The following GRXCR1 variants were observed in gnomAD, a reference collection of about 807,000 sequenced individuals.
The protein encoded by GRXCR1 is glutaredoxin and cysteine rich domain containing 1.
Under a neutral mutation model 27.3 loss-of-function variants are expected in GRXCR1, and 27 were observed. The ratio of observed to expected loss-of-function variants is 0.99; its 90% CI spans 0.73 to 1.37. The LOEUF (loss-of-function observed/expected upper bound fraction) is 1.37, where lower values mean the gene tolerates loss of function less well. GRXCR1 is among the 40% of genes most tolerant of loss of function. The probability of loss-of-function intolerance (pLI) is 0.00; values close to 1 mark genes in which losing one functional copy is unlikely to be tolerated. For missense variants in GRXCR1, 379 were observed against 354.4 expected (o/e 1.07, Z -0.56); for synonymous variants, 122 against 131.1 (o/e 0.93, Z 0.47).
At chr4:42,973,595 C>T (rs1248820654) in intron 2 of GRXCR1, among the ~76,000 whole-genome samples, 1 of 152,034 alleles carries the variant, frequency 6.6e-6, no homozygotes, top group African/African-American at 2.4e-5. Flanking sequence ...TTTTCTTTGA[C>T]TCCACCTACT....
At chr4:42,908,395 CT>C (rs1165605381) in intron 1 of GRXCR1, among the ~76,000 whole-genome samples, 5 of 152,262 alleles carry the variant, frequency 3.3e-5, no homozygotes, top group Admixed American at 6.5e-5. Flanking sequence ...TGCATCTTGC[CT>C]GGGCTTGATC....
intron 1 of GRXCR1, among the ~76,000 whole-genome samples, chr4:42,904,264 T>C (rs972314195): frequency 7.9e-5 from 12 of 152,198 alleles, no homozygotes; most frequent in African/African-American, 2.9e-4. Context: ...TGCCCAACTT[T>C]CGCTCCTTCC....
chr4:42,906,952 C>A (rs1746609811), intron 1 of GRXCR1, among the ~76,000 whole-genome samples: 1 of 152,152 alleles, frequency 6.6e-6, no homozygotes, highest in Non-Finnish European at 1.5e-5. Flanking sequence ...TATTTCCACA[C>A]TCGAGAGATC....
chr4:43,019,855 C>T (rs75699683), intron 2 of GRXCR1, among the ~76,000 whole-genome samples: 2,174 of 152,194 alleles, frequency 0.014, 50 homozygotes, highest in African/African-American at 0.049. Context: ...TTATGCCAAA[C>T]TCAAAATATC....
At chr4:43,021,011 A>ACACT (rs1447031091) in intron 3 of GRXCR1, among the ~76,000 whole-genome samples, 1 of 152,194 alleles carries the variant, frequency 6.6e-6, no homozygotes, top group Non-Finnish European at 1.5e-5. Flanking sequence ...CCTGAATGGG[A>ACACT]CACTTTGAGA....
intron 1 of GRXCR1, among the ~76,000 whole-genome samples, chr4:42,950,895 ATATGTCTATATT>A (rs1241199942): frequency 1.3e-5 from 2 of 152,086 alleles, no homozygotes; most frequent in African/African-American, 4.8e-5. Flanking sequence ...CATTATGTCT[ATATGTCTATATT>A]TATGTCTATA....
At chr4:43,012,178 A>T (rs962232962) in intron 2 of GRXCR1, among the ~76,000 whole-genome samples, 2 of 152,190 alleles carry the variant, frequency 1.3e-5, no homozygotes, top group Admixed American at 6.5e-5. Context: ...CTGACTCTTT[A>T]GAGAGCCTAG....
chr4:42,902,713 G>A (rs1305723662), intron 1 of GRXCR1, among the ~76,000 whole-genome samples: 1 of 152,154 alleles, frequency 6.6e-6, no homozygotes, highest in East Asian at 1.9e-4. Flanking sequence ...AGAGCTTCAG[G>A]AAGAATAGCT....
At chr4:42,982,386 C>T (rs529795186) in intron 2 of GRXCR1, among the ~76,000 whole-genome samples, 135 of 131,600 alleles carry the variant, frequency 1.0e-3, no homozygotes, top group African/African-American at 3.8e-3. Flanking sequence ...GACATGAACT[C>T]ATCATTTTTT....
chr4:42,989,365 C>T (rs965440840), intron 2 of GRXCR1, among the ~76,000 whole-genome samples: 5 of 152,032 alleles, frequency 3.3e-5, no homozygotes. Flanking sequence ...TGGATTAGGT[C>T]CTTACTCTTC....
intron 1 of GRXCR1, among the ~76,000 whole-genome samples, chr4:42,932,461 T>A (rs1291407602): frequency 7.5e-5 from 3 of 40,096 alleles, no homozygotes; most frequent in African/African-American, 2.6e-4. Context: ...GTTTGCCATC[T>A]CTTTATCATG....
chr4:42,963,582 G>T (rs1260833023), intron 2 of GRXCR1, among the ~76,000 whole-genome samples: 1 of 151,870 alleles, frequency 6.6e-6, no homozygotes, highest in Non-Finnish European at 1.5e-5. Context: ...GGGGCCTGGA[G>T]CCAGAATTTT....
chr4:42,928,776 C>T (rs1460336488), intron 1 of GRXCR1, among the ~76,000 whole-genome samples: 1 of 151,890 alleles, frequency 6.6e-6, no homozygotes, highest in African/African-American at 2.4e-5. Flanking sequence ...TGGCTCAATG[C>T]TATAGGGGTG....
chr4:42,910,302 G>A (rs1232944116), intron 1 of GRXCR1, among the ~76,000 whole-genome samples: 3 of 152,128 alleles, frequency 2.0e-5, no homozygotes, highest in South Asian at 2.1e-4. Flanking sequence ...ATAACACAAC[G>A]TGTATTGATT....
At chr4:42,954,348 T>C (rs1560663182) in intron 1 of GRXCR1, among the ~76,000 whole-genome samples, 2 of 152,164 alleles carry the variant, frequency 1.3e-5, no homozygotes, top group Non-Finnish European at 1.5e-5. Context: ...AGCCTCTTCA[T>C]GGTACATTTT....
Position 42,987,261 on chromosome 4 carries a change from A to AATATATATATATAATAT in GRXCR1, c.627+24140_627+24141insATATATATATATATATA, listed in dbSNP as rs1711795642. ...TATATAATATATAATATATATATAT[A>AATATATATATATAATAT]ATATATATATATATATAGAGAGAGA... On this transcript the variant is annotated intron_variant, in intron 2 of 3. Transcript: ENST00000399770. Among the ~76,000 whole-genome samples, 9 of 97,258 alleles carry AATATATATATATAATAT rather than the reference A, an allele frequency of 9.3e-5. No homozygotes were observed. In the South Asian group the frequency reaches 1.2e-3, roughly 13 times the overall value. 63.8% of individuals were successfully genotyped at this position (97,258 alleles called of 152,430 possible). A position where few individuals can be genotyped will look rare whatever the true frequency, so the allele number is the denominator to read the frequency against.
intron 2 of GRXCR1, among the ~76,000 whole-genome samples, chr4:42,990,113 T>C (rs531938659): frequency 1.3e-5 from 2 of 151,346 alleles, no homozygotes; most frequent in East Asian, 1.9e-4. Context: ...TTTGCTGTTC[T>C]TGCTTTTGTA....
chr4:42,988,141 A>G (rs1577934020), intron 2 of GRXCR1, among the ~76,000 whole-genome samples: 1 of 152,196 alleles, frequency 6.6e-6, no homozygotes, highest in South Asian at 2.1e-4. Context: ...GGGGCTGGGT[A>G]GTGCAGAGTG....
intron 2 of GRXCR1, among the ~76,000 whole-genome samples, chr4:43,002,644 C>G (rs889385430): frequency 1.3e-5 from 2 of 152,184 alleles, no homozygotes. Context: ...AGTCTGATCT[C>G]TCTTTCTTTT....
Sources: gnomAD v4.1 joint callset for allele counts (sites outside exome capture counted in the v4.1 genomes callset) on GRCh38, gnomAD v4.1.1 for gene constraint, MANE v1.5 for transcripts, NCBI Gene and HGNC (gene_info 2026-07-23, HGNC 2026-07-21) for gene names.